RUNX1: variants seen among roughly 807,000 people sequenced by gnomAD.
RUNX1 encodes the protein RUNX family transcription factor 1.
Under a neutral mutation model 42.8 loss-of-function variants are expected in RUNX1, and 19 were observed. The observed-to-expected ratio is 0.44, with a 90% CI of 0.31 to 0.65. The LOEUF (loss-of-function observed/expected upper bound fraction) is 0.65. Ranked by LOEUF, RUNX1 falls within the 30% of genes least tolerant of loss-of-function variation. The pLI is 0.07. For synonymous variants in RUNX1, 271 were observed against 289.4 expected (o/e 0.94, Z 0.64); for missense variants, 528 against 672.0 (o/e 0.79, Z 2.37).
intron 2 of RUNX1, among the ~76,000 whole-genome samples, chr21:34,911,251 T>A (rs1360012597): frequency 6.6e-6 from 1 of 152,090 alleles, no homozygotes; most frequent in Non-Finnish European, 1.5e-5. Context: ...ATTTGCTGAA[T>A]AAAGGTTGAT....
intron 4 of RUNX1, among the ~76,000 whole-genome samples, chr21:34,885,568 C>T (rs2057971012): frequency 6.6e-6 from 1 of 152,172 alleles, no homozygotes; most frequent in Non-Finnish European, 1.5e-5. Flanking sequence ...CTGCAAATTT[C>T]GTTTTGTTTT....
chr21:34,995,880 G>A (rs999961606), intron 2 of RUNX1, among the ~76,000 whole-genome samples: 5 of 152,064 alleles, frequency 3.3e-5, no homozygotes, highest in Admixed American at 6.5e-5. Flanking sequence ...CTGCCTCTTC[G>A]AATGTACATG....
chr21:35,011,673 TG>T (rs1398008850), intron 2 of RUNX1, among the ~76,000 whole-genome samples: 3 of 152,330 alleles, frequency 2.0e-5, no homozygotes, highest in African/African-American at 7.2e-5. Flanking sequence ...ATCCCATCCA[TG>T]TTTCATCACT....
chr21:35,016,193 T>C (rs1245975257), intron 2 of RUNX1, among the ~76,000 whole-genome samples: 1 of 152,176 alleles, frequency 6.6e-6, no homozygotes, highest in East Asian at 1.9e-4. Flanking sequence ...TTAGCTATAT[T>C]TCCACTGCTG....
At chr21:35,041,319 G>T (rs148426584) in intron 2 of RUNX1, among the ~76,000 whole-genome samples, 1 of 152,178 alleles carries the variant, frequency 6.6e-6, no homozygotes, top group Non-Finnish European at 1.5e-5. Context: ...CATGAACTTC[G>T]CATTTATGCA....
chr21:34,888,670 C>T lies in RUNX1; in HGVS notation c.98-1574G>A, dbSNP rs982771251. ...GTCCGGCCGCGGGGCGCCCGTCCCGCCCGCGCCCGCTGGCTCTATGAATGA... is the reference window on the plus strand; with the variant it reads ...GTCCGGCCGCGGGGCGCCCGTCCCGTCCGCGCCCGCTGGCTCTATGAATGA... On this transcript the variant is annotated intron_variant, in intron 3 of 8. Coordinates refer to ENST00000675419, the MANE Select transcript of RUNX1 (RefSeq NM_001754.5). 2.9e-5 allele frequency: 30 copies of T among 1,045,884 alleles called. No homozygotes were observed. The African/African-American group carries it at 4.9e-4, about 17-fold the overall frequency. The allele number at this position is 1,045,884 out of a possible 1,614,324, so 64.8% of individuals were successfully genotyped here.
At chr21:34,829,504 G>A (rs185583531) in intron 7 of RUNX1, among the ~76,000 whole-genome samples, 235 of 152,132 alleles carry the variant, frequency 1.5e-3, no homozygotes, top group Non-Finnish European at 2.3e-3. Context: ...ATTCAGGCTT[G>A]TTGTCGGGGT....
chr21:34,852,664 C>T (rs2057438854), intron 6 of RUNX1, among the ~76,000 whole-genome samples: 1 of 152,174 alleles, frequency 6.6e-6, no homozygotes, highest in African/African-American at 2.4e-5. Context: ...GGATGTGAGT[C>T]ACGACAGCAT....
At chr21:34,805,043 G>A (rs762062201) in intron 7 of RUNX1, among the ~76,000 whole-genome samples, 13 of 152,154 alleles carry the variant, frequency 8.5e-5, no homozygotes, top group East Asian at 1.9e-4. Context: ...ATGAGCCACC[G>A]TGCCCAGCCT....
intron 2 of RUNX1, among the ~76,000 whole-genome samples, chr21:34,942,462 C>A (rs2058534471): frequency 6.6e-6 from 1 of 152,202 alleles, no homozygotes; most frequent in African/African-American, 2.4e-5. Flanking sequence ...CCATTTACCT[C>A]CAGATGCCTT....
Position 34,887,114 on chromosome 21 carries a change from A to C in RUNX1, c.98-18T>G. ...GCTGGCATCTACGGGGATACGCATC[A>C]CAACAAGCCGATTGAGTTAGGACCC... On this transcript the variant is annotated intron_variant, in intron 3 of 8. Transcript: ENST00000675419. 1 of 1,597,970 alleles carries C rather than the reference A, an allele frequency of 6.3e-7. No homozygotes were observed. The highest frequency in any genetic ancestry group is 8.5e-7 in the Non-Finnish European group (1 of 1,179,842).
chr21:34,967,554 G>A (rs995717171), intron 2 of RUNX1, among the ~76,000 whole-genome samples: 2 of 152,006 alleles, frequency 1.3e-5, no homozygotes, highest in African/African-American at 4.8e-5. Context: ...TAAGAGTCTG[G>A]TGTTAAGTTG....
At chr21:34,821,353 A>G in intron 7 of RUNX1, 1 of 1,203,374 alleles carries the variant, frequency 8.3e-7, no homozygotes, top group Non-Finnish European at 1.0e-6. Context: ...TATTTGATAA[A>G]AATATATCTC....
At chr21:34,975,171 T>C (rs1198866924) in intron 2 of RUNX1, among the ~76,000 whole-genome samples, 1 of 152,252 alleles carries the variant, frequency 6.6e-6, no homozygotes, top group Non-Finnish European at 1.5e-5. Flanking sequence ...GACTTCCCCC[T>C]GGATCTTTTC....
At chr21:35,023,545 G>C (rs2059214651) in intron 2 of RUNX1, among the ~76,000 whole-genome samples, 1 of 152,200 alleles carries the variant, frequency 6.6e-6, no homozygotes, top group South Asian at 2.1e-4. Flanking sequence ...GAGGCCAGAG[G>C]CACTCAGGTG....
intron 6 of RUNX1, among the ~76,000 whole-genome samples, chr21:34,855,896 C>G (rs991715217): frequency 1.3e-5 from 2 of 152,184 alleles, no homozygotes; most frequent in African/African-American, 4.8e-5. Context: ...GCAGAGGATA[C>G]CTTTTGATGG....
chr21:34,961,390 TAATAAC>T (rs1270180846), intron 2 of RUNX1, among the ~76,000 whole-genome samples: 1 of 151,702 alleles, frequency 6.6e-6, no homozygotes, highest in African/African-American at 2.4e-5. Flanking sequence ...ATAATAATAA[TAATAAC>T]AATAACAGAA....
chr21:34,801,899 G>A (rs1468367254), intron 7 of RUNX1, among the ~76,000 whole-genome samples: 4 of 152,212 alleles, frequency 2.6e-5, no homozygotes, highest in Admixed American at 2.6e-4. Context: ...GGCAGGAGAG[G>A]TGAACTCTTG....
chr21:34,910,624 G>C (rs919852938), intron 2 of RUNX1, among the ~76,000 whole-genome samples: 8 of 152,156 alleles, frequency 5.3e-5, no homozygotes, highest in Non-Finnish European at 1.0e-4. Flanking sequence ...TTCAGATGCT[G>C]GACAGGGTCC....
Sources: gnomAD v4.1 joint callset for allele counts (sites outside exome capture counted in the v4.1 genomes callset) on GRCh38, gnomAD v4.1.1 for gene constraint, MANE v1.5 for transcripts, NCBI Gene and HGNC (gene_info 2026-07-23, HGNC 2026-07-21) for gene names.